Variants in AP2B1 observed in about 807,000 individuals in gnomAD.
The protein encoded by AP2B1 is adaptor related protein complex 2 subunit beta 1.
In AP2B1, 23 loss-of-function variants were observed where a neutral mutation model predicts 102.0. The observed-to-expected ratio is 0.23, with a 90% CI of 0.16 to 0.32. The LOEUF (loss-of-function observed/expected upper bound fraction) is 0.32, where lower values mean the gene tolerates loss of function less well. Among genes scored for constraint, AP2B1 ranks in the 10% least tolerant of loss-of-function variants. The pLI, the probability that AP2B1 is intolerant of heterozygous loss-of-function variation, is 1.00. For synonymous variants in AP2B1, 381 were observed against 421.2 expected (o/e 0.90, Z 1.17); for missense variants, 541 against 1,157.4 (o/e 0.47, Z 7.73).
intron 5 of AP2B1, among the ~76,000 whole-genome samples, chr17:35,622,510 T>C (rs200562164): frequency 6.6e-6 from 1 of 152,352 alleles, no homozygotes; most frequent in East Asian, 1.9e-4. Context: ...CTTCCCTTGC[T>C]AACAAAATGA....
At chr17:35,685,838 C>G (rs2075919227) in intron 18 of AP2B1, among the ~76,000 whole-genome samples, 1 of 152,082 alleles carries the variant, frequency 6.6e-6, no homozygotes, top group Admixed American at 6.6e-5. Flanking sequence ...TCTTGGCTCA[C>G]TGCAACCTCC....
intron 3 of AP2B1, 67 bp from the exon 4 acceptor site, chr17:35,605,638 G>A: frequency 8.8e-7 from 1 of 1,133,482 alleles, no homozygotes; most frequent in Admixed American, 2.0e-5. Flanking sequence ...GGCTATTCAT[G>A]TTCTGTCCAA....
At chr17:35,709,115 GAGAA>G in intron 18 of AP2B1, 105 bp from the exon 19 acceptor site, 1 of 910,774 alleles carries the variant, frequency 1.1e-6, no homozygotes, top group Non-Finnish European at 1.8e-6. Context: ...CCTGCACTGA[GAGAA>G]AGAGGAAGGA....
At chr17:35,626,084 T>A (rs2074305981) in intron 6 of AP2B1, among the ~76,000 whole-genome samples, 1 of 152,102 alleles carries the variant, frequency 6.6e-6, no homozygotes, top group African/African-American at 2.4e-5. Flanking sequence ...AAACAAACCC[T>A]TTTCAGAGAG....
At chr17:35,693,871 C>T (rs2142999826) in intron 18 of AP2B1, among the ~76,000 whole-genome samples, 1 of 152,304 alleles carries the variant, frequency 6.6e-6, no homozygotes, top group South Asian at 2.1e-4. Context: ...AGTGGCCTGC[C>T]CATCTGTCCA....
intron 18 of AP2B1, among the ~76,000 whole-genome samples, chr17:35,707,114 A>T (rs904618877): frequency 7.9e-5 from 12 of 151,842 alleles, no homozygotes; most frequent in Non-Finnish European, 1.5e-4. Flanking sequence ...AATCTTTGAA[A>T]GTAGTGCTCT....
chr17:35,593,650 C>T (rs557344892), intron 1 of AP2B1, among the ~76,000 whole-genome samples: 1 of 152,192 alleles, frequency 6.6e-6, no homozygotes, highest in South Asian at 2.1e-4. Flanking sequence ...CAGCTTGAGG[C>T]AAGGAAGTTA....
chr17:35,661,755 TTTA>T (rs2075363239), intron 14 of AP2B1, among the ~76,000 whole-genome samples: 2 of 152,206 alleles, frequency 1.3e-5, no homozygotes, highest in Non-Finnish European at 2.9e-5. Context: ...AGAAGATATT[TTTA>T]TTCTTCCTTT....
At chr17:35,712,578 A>T (rs1004831886) in intron 20 of AP2B1, among the ~76,000 whole-genome samples, 7 of 152,118 alleles carry the variant, frequency 4.6e-5, no homozygotes, top group African/African-American at 1.7e-4. Flanking sequence ...GCAGTGAGCC[A>T]AGATCGCACC....
At position 35,670,841 on chromosome 17, in the gene AP2B1, C is replaced by T. The variant is rs1213427938; in HGVS notation, c.1990-16C>T. 4.3e-6 allele frequency: 7 copies of T among 1,613,700 alleles called. No individual in the cohort carries two copies. Among genetic ancestry groups the T allele is most frequent in the Non-Finnish European group, 5.9e-6 (7 of 1,179,754 alleles). On this transcript the variant is annotated splice_polypyrimidine_tract_variant and intron_variant, in intron 14 of 21. Transcript: ENST00000610402. ...AACTCTACCTCTCTCTCCTCTCTCT[C>T]CTTTCTCTCTTTCAGCTTGGCAGTG...
rs1057383547 is a variant in AP2B1, at chr17:35,631,318, A to C, written c.1155+3592A>C. On this transcript the variant is annotated intron_variant, in intron 9 of 21. Coordinates refer to ENST00000610402, the MANE Select transcript of AP2B1 (RefSeq NM_001030006.2). ...GTGTGTCATTTCTTAAAGACAAAAA[A>C]CATATTTTTCCTATTAGGAAAACCA... Among the ~76,000 whole-genome samples, 14 of 152,300 alleles carry C rather than the reference A, an allele frequency of 9.2e-5. No individual in the cohort carries two copies. In the East Asian group the frequency reaches 2.7e-3, roughly 29 times the overall value.
At chr17:35,621,292 T>C in intron 5 of AP2B1, 13 of 985,274 alleles carry the variant, frequency 1.3e-5, no homozygotes, top group Non-Finnish European at 1.6e-5. Context: ...GTGCGACTGA[T>C]TTATTTTAAG....
In AP2B1 at chr17:35,723,789, T is replaced by C; in HGVS notation, c.*90T>C. The C allele has an allele frequency of 1.0e-6, 1 of 978,044 alleles. No individual in the cohort carries two copies. The highest frequency in any genetic ancestry group is 1.6e-6 in the Non-Finnish European group (1 of 613,210). The allele number at this position is 978,044 out of a possible 1,614,324, so 60.6% of individuals were successfully genotyped here. Reference sequence around the variant, plus strand: ...AGAAATTGTATTGCTGCGTAGAATCTGAACACACTGAGGCCACCTAGCAAG... The same window carrying C: ...AGAAATTGTATTGCTGCGTAGAATCCGAACACACTGAGGCCACCTAGCAAG... On this transcript the variant is annotated 3_prime_UTR_variant, in exon 22 of 22. Transcript: ENST00000610402.
At chr17:35,712,159 A>G (rs2076464793) in intron 20 of AP2B1, among the ~76,000 whole-genome samples, 2 of 152,196 alleles carry the variant, frequency 1.3e-5, no homozygotes, top group Admixed American at 6.5e-5. Flanking sequence ...TATTTGAAGA[A>G]GATGACAGTG....
At chr17:35,696,503 G>C (rs2076144589) in intron 18 of AP2B1, among the ~76,000 whole-genome samples, 1 of 150,180 alleles carries the variant, frequency 6.7e-6, no homozygotes, top group Non-Finnish European at 1.5e-5. Context: ...CGCCTCCCAG[G>C]TTCAGCCTCC....
rs73990224 is a variant in AP2B1 at position 35,642,672 on chromosome 17, G to A, written c.1536+697G>A. ...CTTTTTAGCAGGCTGTCAGAGTTAC[G>A]ATGTGTGTCTGCAAATGGAATATGA... On this transcript the variant is annotated intron_variant, in intron 12 of 21. Coordinates refer to ENST00000610402, the MANE Select transcript of AP2B1 (RefSeq NM_001030006.2). Among the ~76,000 whole-genome samples the A allele has an allele frequency of 9.1e-3, 1,380 of 152,158 alleles. 23 individuals are homozygous for A. The highest frequency in any genetic ancestry group is 0.031 in the African/African-American group (1,286 of 41,468).
At chr17:35,641,779 A>G (rs2074789132) in intron 11 of AP2B1, 98 bp from the exon 12 acceptor site, 2 of 799,978 alleles carry the variant, frequency 2.5e-6, no homozygotes, top group East Asian at 5.1e-5. Context: ...GAAAGGCTCC[A>G]TAGTAATTCA....
chr17:35,694,427 A>ATTTTTTTT (rs1555581002), intron 18 of AP2B1, among the ~76,000 whole-genome samples: 2 of 114,548 alleles, frequency 1.7e-5, no homozygotes, highest in Non-Finnish European at 1.8e-5. Flanking sequence ...TTTTTTTTTA[A>ATTTTTTTT]TTTTTTAATT....
At position 35,699,625 on chromosome 17, in the gene AP2B1, A is replaced by G. The variant is rs587772232; in HGVS notation, c.2455-9599A>G. Among the ~76,000 whole-genome samples, 18 of 152,312 alleles carry G rather than the reference A, an allele frequency of 1.2e-4. No homozygotes were observed. In the South Asian group the frequency reaches 1.7e-3, roughly 14 times the overall value. Reference sequence around the variant, plus strand: ...TTAGCACTGGAAGGAAAGTCAATTGACATTTCCTGTGGTTCATTACTCTTT... The same window carrying G: ...TTAGCACTGGAAGGAAAGTCAATTGGCATTTCCTGTGGTTCATTACTCTTT... On this transcript the variant is annotated intron_variant, in intron 18 of 21. Coordinates refer to ENST00000610402, the MANE Select transcript of AP2B1 (RefSeq NM_001030006.2).
Sources: allele counts gnomAD v4.1 joint callset (sites outside exome capture counted in the v4.1 genomes callset), GRCh38; gene constraint gnomAD v4.1.1; transcripts MANE v1.5; gene names NCBI Gene and HGNC (gene_info 2026-07-23, HGNC 2026-07-21).